Variants in TSPAN14 observed in about 807,000 individuals in gnomAD.
TSPAN14 encodes the protein tetraspanin 14.
TSPAN14 carries 16 observed loss-of-function variants against 36.6 expected under a neutral mutation model. That is an observed-to-expected ratio of 0.44 (90% CI 0.30 to 0.66). The LOEUF is 0.66. Among genes scored for constraint, TSPAN14 ranks in the 30% least tolerant of loss-of-function variants. The pLI is 0.12. For missense variants in TSPAN14, 231 were observed against 355.1 expected (o/e 0.65, Z 2.81); for synonymous variants, 139 against 143.8 (o/e 0.97, Z 0.24).
chr10:80,485,562 C>A, intron 1 of TSPAN14: 1 of 897,794 alleles, frequency 1.1e-6, no homozygotes, highest in Non-Finnish European at 1.3e-6. Context: ...GAGGATGTGG[C>A]TTAGGCTGGA....
At chr10:80,476,228 T>C (rs866212677) in intron 1 of TSPAN14, among the ~76,000 whole-genome samples, 6 of 151,640 alleles carry the variant, frequency 4.0e-5, no homozygotes, top group African/African-American at 1.2e-4. Context: ...TAAAAATCAG[T>C]TGGGCTTGGT....
chr10:80,517,835 AC>A, intron 8 of TSPAN14, 69 bp from the exon 9 acceptor site: 1 of 1,472,840 alleles, frequency 6.8e-7, no homozygotes, highest in South Asian at 1.2e-5. Flanking sequence ...TCCCAACCCC[AC>A]CCTCCGCTCC....
chr10:80,470,943 G>T (rs1846514494), intron 1 of TSPAN14, among the ~76,000 whole-genome samples: 1 of 152,234 alleles, frequency 6.6e-6, no homozygotes, highest in Non-Finnish European at 1.5e-5. Flanking sequence ...GGGTTGCAGT[G>T]TGTCCCTCCC....
chr10:80,469,275 G>C (rs1846411011), intron 1 of TSPAN14, among the ~76,000 whole-genome samples: 1 of 152,146 alleles, frequency 6.6e-6, no homozygotes, highest in South Asian at 2.1e-4. Context: ...TTCAGAATCA[G>C]GTTGTAAATA....
chr10:80,483,906 T>C, intron 1 of TSPAN14, among the ~76,000 whole-genome samples: 1 of 47,870 alleles, frequency 2.1e-5, no homozygotes, highest in Non-Finnish European at 3.6e-5. Flanking sequence ...GCAAAACTCT[T>C]GTCTCAAAAA....
In TSPAN14 at chr10:80,509,310, A is replaced by T; in HGVS notation, c.289A>T (p.Thr97Ser). The T allele has an allele frequency of 6.2e-7, 1 of 1,613,592 alleles. No individual in the cohort carries two copies. The highest frequency in any genetic ancestry group is 1.1e-5 in the South Asian group (1 of 91,040). ...TCCCCTTCCCCTGCAGTTCTGTGGC[A>T]CCATCGTGCTCATCTTCTTCCTGGA... Residue 97 changes from threonine (T) to serine (S), a missense_variant, in exon 5 of 9, where the codon ACC (threonine) becomes TCC (serine). Coordinates refer to ENST00000429989, the Ensembl canonical transcript of TSPAN14. This position sits in a 1 kb window ranked among gnomAD's most constrained non-coding sequence, Gnocchi z 4.7.
chr10:80,463,678 A>G (rs1384331041), intron 1 of TSPAN14, among the ~76,000 whole-genome samples: 3 of 152,164 alleles, frequency 2.0e-5, no homozygotes, highest in African/African-American at 7.2e-5. Flanking sequence ...TTTTGTTTCT[A>G]TAGGCTAAGC....
At chr10:80,476,787 C>T (rs1564718769) in intron 1 of TSPAN14, among the ~76,000 whole-genome samples, 1 of 151,730 alleles carries the variant, frequency 6.6e-6, no homozygotes, top group Admixed American at 6.6e-5. Context: ...TGGCTGAATC[C>T]ATGGATACAG....
intron 4 of TSPAN14, among the ~76,000 whole-genome samples, 158 bp downstream of exon 4, chr10:80,507,532 T>G (rs1447970434): frequency 1.3e-5 from 2 of 152,198 alleles, no homozygotes; most frequent in African/African-American, 2.4e-5. Flanking sequence ...CACTCTACTG[T>G]CTAGAGAAGC....
chr10:80,518,060 G>A, exon 9 of TSPAN14: 1 of 1,393,048 alleles, frequency 7.2e-7, no homozygotes, highest in Non-Finnish European at 1.0e-6. Flanking sequence ...CAGAGGGAGA[G>A]GAGCCGACAC....
At chr10:80,508,208 C>T (rs544120046) in intron 4 of TSPAN14, among the ~76,000 whole-genome samples, 3 of 151,608 alleles carry the variant, frequency 2.0e-5, no homozygotes, top group East Asian at 1.9e-4. Context: ...CTCCGCCTCC[C>T]GGGTTCACAC....
intron 1 of TSPAN14, among the ~76,000 whole-genome samples, chr10:80,473,702 A>T (rs58107617): frequency 0.68 from 82,464 of 120,548 alleles, 24,559 homozygotes; most frequent in East Asian, 0.9. Flanking sequence ...TTTTTTTTTT[A>T]AATTAAAGTT....
chr10:80,474,230 A>G (rs1392712592), intron 1 of TSPAN14, among the ~76,000 whole-genome samples: 1 of 152,040 alleles, frequency 6.6e-6, no homozygotes, highest in Non-Finnish European at 1.5e-5. Context: ...GGTGGTGTTG[A>G]AGGATTGGCT....
chr10:80,458,882 C>T (rs555140704), intron 1 of TSPAN14, among the ~76,000 whole-genome samples: 7 of 152,094 alleles, frequency 4.6e-5, no homozygotes, highest in South Asian at 2.1e-4. Flanking sequence ...ATGAATAACA[C>T]TGTCCAGCTT....
intron 1 of TSPAN14, among the ~76,000 whole-genome samples, chr10:80,479,726 T>C (rs2131990753): frequency 6.6e-6 from 1 of 152,038 alleles, no homozygotes; most frequent in East Asian, 1.9e-4. Context: ...TCAGGTAGCG[T>C]GATGCCTCCA....
At chr10:80,456,153 G>T (rs1383179515) in intron 1 of TSPAN14, among the ~76,000 whole-genome samples, 1 of 152,184 alleles carries the variant, frequency 6.6e-6, no homozygotes, top group Admixed American at 6.5e-5. Context: ...TATGAACTTG[G>T]TGTGGTCTTA....
chr10:80,513,591 G>A (rs922823347), intron 6 of TSPAN14, among the ~76,000 whole-genome samples: 20 of 152,236 alleles, frequency 1.3e-4, no homozygotes, highest in African/African-American at 4.8e-4. Flanking sequence ...GCCAAATCTG[G>A]CTTGCTATTT....
intron 5 of TSPAN14, among the ~76,000 whole-genome samples, chr10:80,511,131 T>C (rs1840597053): frequency 6.6e-6 from 1 of 152,218 alleles, no homozygotes; most frequent in Non-Finnish European, 1.5e-5. Flanking sequence ...AGAAGTTTTT[T>C]AGGGGAAAAG....
chr10:80,492,505 A>T (rs1847972430), intron 2 of TSPAN14, among the ~76,000 whole-genome samples: 1 of 152,168 alleles, frequency 6.6e-6, no homozygotes, highest in South Asian at 2.1e-4. Context: ...TTTATTTAGT[A>T]GTTTGCCCTC....
Sources: allele counts gnomAD v4.1 joint callset (sites outside exome capture counted in the v4.1 genomes callset), GRCh38; gene constraint gnomAD v4.1.1; non-coding constraint Gnocchi (gnomAD v3.1); transcripts MANE v1.5; gene names NCBI Gene and HGNC (gene_info 2026-07-23, HGNC 2026-07-21).